TACC1: variants seen among roughly 807,000 people sequenced by gnomAD.
TACC1 encodes transforming acidic coiled-coil-containing protein 1.
TACC1 carries 48 observed loss-of-function variants against 84.4 expected under a neutral mutation model. The ratio of observed to expected loss-of-function variants is 0.57; its 90% CI spans 0.45 to 0.72. The LOEUF (loss-of-function observed/expected upper bound fraction) is 0.72, where lower values mean the gene tolerates loss of function less well. TACC1 is among the 30% of genes least tolerant of loss of function. The probability of loss-of-function intolerance (pLI) is 0.00; values close to 1 mark genes in which losing one functional copy is unlikely to be tolerated. For missense variants in TACC1, 920 were observed against 973.0 expected, an observed-to-expected ratio of 0.95 and a Z score of 0.72; for synonymous variants, 372 against 376.3, an observed-to-expected ratio of 0.99 and a Z score of 0.13.
intron 3 of TACC1, among the ~76,000 whole-genome samples, chr8:38,756,582 C>G (rs1407996202): frequency 6.6e-6 from 1 of 152,058 alleles, no homozygotes; most frequent in Non-Finnish European, 1.5e-5. Flanking sequence ...TTCCTTGCGA[C>G]AGAGTTTGGA....
chr8:38,786,665 G>A (rs1025334938), upstream of TACC1, among the ~76,000 whole-genome samples: 1 of 152,090 alleles, frequency 6.6e-6, no homozygotes, highest in Non-Finnish European at 1.5e-5. Context: ...TTTGGGGAGG[G>A]GGAGGGCATC....
At chr8:38,831,082 A>G (rs1158830400) in intron 5 of TACC1, 43 bp from the exon 6 acceptor site, 3 of 1,606,740 alleles carry the variant, frequency 1.9e-6, no homozygotes, top group Non-Finnish European at 2.6e-6. Context: ...GAGGAAAGGA[A>G]CCGACTTCTT....
At chr8:38,781,693 C>T (rs960501601) in intron 3 of TACC1, among the ~76,000 whole-genome samples, 2 of 152,034 alleles carry the variant, frequency 1.3e-5, no homozygotes, top group Non-Finnish European at 2.9e-5. Flanking sequence ...GAATATTATT[C>T]TACTTAAATG....
rs1278823848 is a variant in TACC1, at chr8:38,843,309, A to G, written c.2142A>G (p.Lys714=). The G allele has an allele frequency of 1.9e-6, 3 of 1,598,876 alleles. No individual in the cohort carries two copies. The highest frequency in any genetic ancestry group is 2.3e-5 in the East Asian group (1 of 44,234). Residue 714 remains lysine, a synonymous_variant, in exon 11 of 13, where the codon AAA becomes AAG. Transcript: ENST00000317827. ...GFKKNEEALK[K]CAQDYLARVK... ...AACAGAATGAAGAAGCCTTGAAGAA[A>G]TGTGCTCAGGATTACTTAGCCAGAG...
At chr8:38,831,242 A>T in intron 6 of TACC1, 65 bp downstream of exon 6, 1 of 1,545,848 alleles carries the variant, frequency 6.5e-7, no homozygotes, top group Non-Finnish European at 8.9e-7. Flanking sequence ...TTTGAAGCCC[A>T]TGTGAATTTG....
chr8:38,813,762 GT>G (rs1207639415), intron 2 of TACC1, among the ~76,000 whole-genome samples: 1 of 152,152 alleles, frequency 6.6e-6, no homozygotes, highest in African/African-American at 2.4e-5. Flanking sequence ...GGGTTTATGT[GT>G]TTGTCTCTCG....
chr8:38,790,923 G>T (rs2152006431), intron 2 of TACC1, among the ~76,000 whole-genome samples: 1 of 152,296 alleles, frequency 6.6e-6, no homozygotes, highest in East Asian at 1.9e-4. Context: ...CACTCTCAGT[G>T]ATGAAGATAA....
intron 2 of TACC1, chr8:38,742,462 T>C: frequency 1.3e-6 from 2 of 1,525,534 alleles, no homozygotes; most frequent in South Asian, 2.4e-5. Context: ...GTAATTCTTT[T>C]CTTTGACATT....
upstream of TACC1, chr8:38,787,225 C>A (rs1587671581): frequency 1.0e-6 from 1 of 1,000,722 alleles, no homozygotes; most frequent in Non-Finnish European, 1.2e-6. Flanking sequence ...GCCCCGCCGG[C>A]CGGGAGGCGG....
chr8:38,813,483 T>C (rs1291937995), intron 2 of TACC1, among the ~76,000 whole-genome samples: 1 of 152,224 alleles, frequency 6.6e-6, no homozygotes, highest in Non-Finnish European at 1.5e-5. Flanking sequence ...AAACCCTCAG[T>C]GCATTTTACT....
intron 3 of TACC1, among the ~76,000 whole-genome samples, chr8:38,775,213 T>C (rs1171423335): frequency 6.6e-6 from 1 of 152,142 alleles, no homozygotes; most frequent in African/African-American, 2.4e-5. Flanking sequence ...CCTTCATACC[T>C]TCCTTGCAAG....
intron 11 of TACC1, among the ~76,000 whole-genome samples, chr8:38,845,780 G>A (rs948648016): frequency 2.6e-5 from 4 of 152,222 alleles, no homozygotes; most frequent in Middle Eastern, 3.2e-3. Context: ...CACATTGCCC[G>A]CCACAAGGCA....
intron 5 of TACC1, 72 bp downstream of exon 5, chr8:38,827,447 G>A: frequency 6.7e-7 from 1 of 1,498,136 alleles, no homozygotes; most frequent in Non-Finnish European, 9.3e-7. Flanking sequence ...TAAAGCAGGA[G>A]GAGCCTTACA....
chr8:38,835,377 C>G (rs1830028017), intron 6 of TACC1, among the ~76,000 whole-genome samples: 2 of 152,230 alleles, frequency 1.3e-5, no homozygotes, highest in South Asian at 4.1e-4. Context: ...GTGTTTTGCT[C>G]TGGAACCTGA....
intron 4 of TACC1, among the ~76,000 whole-genome samples, chr8:38,826,327 A>C (rs1403091607): frequency 6.6e-6 from 1 of 152,198 alleles, no homozygotes; most frequent in African/African-American, 2.4e-5. Flanking sequence ...TTTCTTTAAA[A>C]AACAAAAACA....
At chr8:38,833,894 CAGA>C (rs1389775358) in intron 6 of TACC1, among the ~76,000 whole-genome samples, 1 of 152,122 alleles carries the variant, frequency 6.6e-6, no homozygotes, top group Non-Finnish European at 1.5e-5. Context: ...AATTTAGAAT[CAGA>C]AGTTTAACAG....
intron 2 of TACC1, among the ~76,000 whole-genome samples, chr8:38,810,895 T>G (rs145997005): frequency 6.4e-4 from 98 of 152,192 alleles, no homozygotes; most frequent in African/African-American, 2.2e-3. Flanking sequence ...AGTAGGAGGA[T>G]GATGTGGGCC....
chr8:38,821,376 C>T (rs1385917191), intron 3 of TACC1, among the ~76,000 whole-genome samples: 2 of 152,208 alleles, frequency 1.3e-5, no homozygotes, highest in South Asian at 2.1e-4. Flanking sequence ...ACCTCTGTAG[C>T]GTCAATAACG....
chr8:38,816,294 A>G (rs1825425222), intron 2 of TACC1, among the ~76,000 whole-genome samples: 1 of 152,244 alleles, frequency 6.6e-6, no homozygotes, highest in African/African-American at 2.4e-5. Context: ...ATTTAGAAGT[A>G]TCATTTTAAA....
Sources: allele counts gnomAD v4.1 joint callset (sites outside exome capture counted in the v4.1 genomes callset), GRCh38; gene constraint gnomAD v4.1.1; transcripts MANE v1.5; gene names NCBI Gene and HGNC (gene_info 2026-07-23, HGNC 2026-07-21).